The following CCDC88C variants were observed in gnomAD, a reference collection of about 807,000 sequenced individuals.
CCDC88C encodes protein Daple.
Under a neutral mutation model 198.8 loss-of-function variants are expected in CCDC88C, and 131 were observed. The ratio of observed to expected loss-of-function variants is 0.66; its 90% CI spans 0.57 to 0.76. The LOEUF (loss-of-function observed/expected upper bound fraction) is 0.76, where lower values mean the gene tolerates loss of function less well. Ranked by LOEUF, CCDC88C falls within the 30% of genes least tolerant of loss-of-function variation. The pLI, the probability that CCDC88C is intolerant of heterozygous loss-of-function variation, is 0.00. For synonymous variants in CCDC88C, 1,166 were observed against 1,114.7 expected, an observed-to-expected ratio of 1.05 and a Z score of -0.92; for missense variants, 2,553 against 2,631.6, an observed-to-expected ratio of 0.97 and a Z score of 0.65.
intron 10 of CCDC88C, among the ~76,000 whole-genome samples, chr14:91,327,409 C>T (rs1478636774): frequency 6.6e-6 from 1 of 152,244 alleles, no homozygotes; most frequent in Non-Finnish European, 1.5e-5. Context: ...CTGCCTGTGC[C>T]CAGCAGAGAC....
At chr14:91,380,219 T>C (rs982537940) in intron 3 of CCDC88C, among the ~76,000 whole-genome samples, 1 of 152,232 alleles carries the variant, frequency 6.6e-6, no homozygotes, top group Non-Finnish European at 1.5e-5. Context: ...GTAAAACTGT[T>C]AATAATAGGA....
intron 22 of CCDC88C, among the ~76,000 whole-genome samples, chr14:91,297,068 C>T (rs1422654463): frequency 1.3e-5 from 2 of 152,214 alleles, no homozygotes; most frequent in African/African-American, 4.8e-5. Flanking sequence ...CTGTGCCTCT[C>T]CCGACCCTGC....
intron 13 of CCDC88C, among the ~76,000 whole-genome samples, chr14:91,320,889 C>G (rs904277307): frequency 6.6e-6 from 1 of 152,198 alleles, no homozygotes; most frequent in Admixed American, 6.5e-5. Flanking sequence ...CCGGGTCATC[C>G]TCTAATGGCA....
At chr14:91,384,239 C>G in intron 3 of CCDC88C, among the ~76,000 whole-genome samples, 1 of 150,320 alleles carries the variant, frequency 6.7e-6, no homozygotes, top group Non-Finnish European at 1.5e-5. Context: ...GAGTTCGAGA[C>G]CAGCCTGATC....
intron 3 of CCDC88C, among the ~76,000 whole-genome samples, chr14:91,392,138 C>G (rs577775783): frequency 6.6e-6 from 1 of 152,302 alleles, no homozygotes; most frequent in Admixed American, 6.5e-5. Flanking sequence ...GCTGCTCCCA[C>G]TGACCCTGTT....
intron 25 of CCDC88C, chr14:91,285,966 C>A (rs1890389871): frequency 2.1e-6 from 1 of 469,818 alleles, no homozygotes; most frequent in Admixed American, 3.5e-5. Context: ...CCCGTCTTGC[C>A]CAGGAAAGAT....
intron 10 of CCDC88C, among the ~76,000 whole-genome samples, chr14:91,335,503 A>G (rs1271056369): frequency 6.6e-6 from 1 of 151,862 alleles, no homozygotes; most frequent in Non-Finnish European, 1.5e-5. Context: ...TAGCTATTTC[A>G]GGCCTCACTT....
chr14:91,330,198 C>T (rs1418817923), intron 10 of CCDC88C, among the ~76,000 whole-genome samples: 1 of 152,246 alleles, frequency 6.6e-6, no homozygotes, highest in Non-Finnish European at 1.5e-5. Context: ...GCACTGCCTG[C>T]AGTCAGGAGG....
rs1891960003 is a variant in CCDC88C, at chr14:91,313,800, C to G, written c.2016G>C (p.Gln672His). Reference sequence around the variant, plus strand: ...ACTTCCTCAGAGTCCGGTTCTCCAGCTGCAGGCCCTGGCTCTCATGCTCCA... The same window carrying G: ...ACTTCCTCAGAGTCCGGTTCTCCAGGTGCAGGCCCTGGCTCTCATGCTCCA... The part of the protein sequence containing the change: ...EALEHESQGL[Q>H]LENRTLRKSL... The change falls in exon 15 of 30, where the codon CAG becomes CAC. Residue 672 changes from glutamine (Q) to histidine (H), a missense_variant. This residue lies in a region of CCDC88C where 1,260 missense variants were observed against 1,412.0 expected (regional missense o/e 0.89). Transcript: ENST00000389857. This position sits in a 1 kb window ranked among gnomAD's most constrained non-coding sequence, Gnocchi z 5.2. The G allele has an allele frequency of 6.2e-7, 1 of 1,605,566 alleles. No individual in the cohort carries two copies. The highest frequency in any genetic ancestry group is 1.3e-5 in the African/African-American group (1 of 74,712).
At chr14:91,345,728 CTT>C (rs1893514453) in intron 4 of CCDC88C, among the ~76,000 whole-genome samples, 1 of 152,134 alleles carries the variant, frequency 6.6e-6, no homozygotes, top group Non-Finnish European at 1.5e-5. Flanking sequence ...AGCTGTGTCT[CTT>C]TGATTGTGCT....
In CCDC88C at chr14:91,339,373, G is replaced by T. The variant is rs1893206141; in HGVS notation, c.714C>A (p.Pro238=). 1.9e-6 allele frequency: 3 copies of T among 1,613,808 alleles called. No individual in the cohort carries two copies. The highest frequency in any genetic ancestry group is 3.3e-4 in the Middle Eastern group (2 of 6,040). ...PIKSSSADST[P]SPTSSLSSED... is the part of the protein sequence containing the mutation. Reference sequence around the variant, plus strand: ...CGCTAGAGAGGCTGCTGGTGGGGCTGGGAGTGGAGTCGGCGCTGGAGGACT... The same window carrying T: ...CGCTAGAGAGGCTGCTGGTGGGGCTTGGAGTGGAGTCGGCGCTGGAGGACT... Residue 238 remains proline (P), a synonymous_variant, in exon 8 of 30, where the codon CCC becomes CCA. Transcript: ENST00000389857. This position sits in a 1 kb window ranked among gnomAD's most constrained non-coding sequence, Gnocchi z 5.8.
At position 91,285,635 on chromosome 14, in the gene CCDC88C, G is replaced by A. The variant is rs1435143896; in HGVS notation, c.4442-2118C>T. 8 of 1,261,790 alleles carry A rather than the reference G, an allele frequency of 6.3e-6. No individual in the cohort carries two copies. The East Asian group carries it at 3.4e-4, about 54-fold the overall frequency. 78.2% of individuals were successfully genotyped at this position (1,261,790 alleles called of 1,614,324 possible). A position where few individuals can be genotyped will look rare whatever the true frequency, so the allele number is the denominator to read the frequency against. On this transcript the variant is annotated intron_variant, in intron 25 of 29. Transcript: ENST00000389857. ...TGTTTGAATTTCGGAAATGAAGGAG[G>A]GTACACAATACAGACACATGATAAA...
chr14:91,333,044 T>C (rs1470223330), intron 10 of CCDC88C, among the ~76,000 whole-genome samples: 1 of 152,184 alleles, frequency 6.6e-6, no homozygotes, highest in Non-Finnish European at 1.5e-5. Context: ...TCTGCAACCA[T>C]ATTCCTCCAG....
chr14:91,280,860 T>C (rs1890167144), intron 27 of CCDC88C, among the ~76,000 whole-genome samples: 1 of 152,176 alleles, frequency 6.6e-6, no homozygotes, highest in African/African-American at 2.4e-5. Context: ...TGATGCCAGC[T>C]CCTACACTTA....
intron 19 of CCDC88C, among the ~76,000 whole-genome samples, chr14:91,304,762 C>A (rs749184768): frequency 8.5e-5 from 13 of 152,148 alleles, no homozygotes; most frequent in Non-Finnish European, 1.5e-4. Flanking sequence ...GAATACTTCC[C>A]AAATCATTTT....
chr14:91,349,494 G>A (rs539141677), intron 4 of CCDC88C, among the ~76,000 whole-genome samples: 2 of 152,170 alleles, frequency 1.3e-5, no homozygotes, highest in Non-Finnish European at 2.9e-5. Context: ...GTTATAAAAC[G>A]ACGTGAATTT....
chr14:91,408,286 T>A (rs1419083317), intron 3 of CCDC88C: 1 of 229,106 alleles, frequency 4.4e-6, no homozygotes, highest in Non-Finnish European at 8.8e-6. Flanking sequence ...GGCTCCTGTA[T>A]AAAGAGCCAC....
rs10671669 is a variant in CCDC88C at position 91,278,889 on chromosome 14, C to CTTTTTTTTT, written c.4768+340_4768+348dup. The stretch of plus-strand genomic sequence containing the variant: ...CCCCAGAGCCAAACCACCAAATACA[C>CTTTTTTTTT]TTTTTTTTTTTTTTTTTTTTTTTTT... On this transcript the variant is annotated intron_variant, in intron 28 of 29. Transcript: ENST00000389857. Among the ~76,000 whole-genome samples, 10 of 54,506 alleles carry CTTTTTTTTT rather than the reference C, an allele frequency of 1.8e-4. 3 individuals are homozygous for CTTTTTTTTT. The highest frequency in any genetic ancestry group is 2.2e-4 in the Non-Finnish European group (7 of 31,934). 35.8% of individuals were successfully genotyped at this position (54,506 alleles called of 152,430 possible).
chr14:91,342,398 G>A lies in CCDC88C; in HGVS notation c.465C>T (p.Ile155=), dbSNP rs1180561028. The stretch of plus-strand genomic sequence containing the variant: ...CACCTACCTCCTGGATATGGGCCAC[G>A]ATGCCAGCCTGGGTCTCAATGTCCA... The part of the protein sequence containing the change: ...KQLDIETQAG[I]VAHIQEVTHN... Residue 155 remains isoleucine, a synonymous_variant, in exon 6 of 30, where the codon ATC becomes ATT. Transcript: ENST00000389857. 6 of 1,593,534 alleles carry A rather than the reference G, an allele frequency of 3.8e-6. No individual in the cohort carries two copies. In the African/African-American group the frequency reaches 4.0e-5, roughly 11 times the overall value.
Sources: gnomAD v4.1 joint callset for allele counts (sites outside exome capture counted in the v4.1 genomes callset) on GRCh38, gnomAD v4.1.1 for gene constraint, gnomAD v4.1.1 regional missense constraint, Gnocchi (gnomAD v3.1) non-coding constraint, MANE v1.5 for transcripts, NCBI Gene and HGNC (gene_info 2026-07-23, HGNC 2026-07-21) for gene names.